TMC3: variants seen among roughly 807,000 people sequenced by gnomAD.
TMC3 encodes the protein transmembrane channel like 3.
A neutral mutation model predicts 110.6 loss-of-function variants in TMC3; 98 were observed. The ratio of observed to expected loss-of-function variants is 0.89; its 90% CI spans 0.75 to 1.05. The LOEUF (loss-of-function observed/expected upper bound fraction) is 1.05, where lower values mean the gene tolerates loss of function less well. TMC3 is among the 50% of genes least tolerant of loss of function. TMC3 has a pLI of 0.00. For synonymous variants in TMC3, 489 were observed against 513.1 expected, an observed-to-expected ratio of 0.95 and a Z score of 0.63; for missense variants, 1,319 against 1,373.2, an observed-to-expected ratio of 0.96 and a Z score of 0.62.
chr15:81,343,365 T>C lies in TMC3; in HGVS notation c.1648-20A>G. ...TTCAGGCTACAAGAGAAAATAAACT[T>C]GTGCATTAAACAAGTTCCAAAGTTC... On this transcript the variant is annotated intron_variant, in intron 14 of 21. Transcript: ENST00000359440. 6.4e-7 allele frequency: 1 copy of C among 1,567,846 alleles called. No homozygotes were observed. The highest frequency in any genetic ancestry group is 8.8e-7 in the Non-Finnish European group (1 of 1,137,874).
rs376065113 is a variant in TMC3, at chr15:81,341,482, G to A, written c.1752C>T (p.Phe584=). Residue 584 remains phenylalanine (F), a synonymous_variant, in exon 16 of 22, where the codon TTC becomes TTT. Transcript: ENST00000359440. ...GAFFSPCLPA[F]NVLKLIGLMY... ...TGAGCCCAATGAGTTTGAGAACGTT[G>A]AACGCTGGGAGACATGGGGAGAAGA... The A allele has an allele frequency of 5.6e-5, 91 of 1,611,040 alleles. No homozygotes were observed. The highest frequency in any genetic ancestry group is 6.7e-5 in the Admixed American group (4 of 59,706).
At chr15:81,346,801 T>A (rs1893837974) in intron 11 of TMC3, among the ~76,000 whole-genome samples, 4 of 152,266 alleles carry the variant, frequency 2.6e-5, no homozygotes, top group Admixed American at 2.6e-4. Flanking sequence ...TGATTTCCCA[T>A]GCATTATCTC....
intron 11 of TMC3, among the ~76,000 whole-genome samples, chr15:81,348,558 C>T (rs1245775279): frequency 6.6e-6 from 1 of 152,242 alleles, no homozygotes; most frequent in African/African-American, 2.4e-5. Flanking sequence ...CATCAGCCTA[C>T]TGTTGCTCAG....
At chr15:81,362,445 C>T in intron 3 of TMC3, 144 bp from the exon 4 acceptor site, 1 of 624,194 alleles carries the variant, frequency 1.6e-6, no homozygotes, top group Admixed American at 2.6e-5. Flanking sequence ...CTTTAAGCTG[C>T]ACTAGAACCA....
intron 11 of TMC3, among the ~76,000 whole-genome samples, chr15:81,347,475 C>G (rs1488366650): frequency 6.6e-6 from 1 of 152,150 alleles, no homozygotes; most frequent in Non-Finnish European, 1.5e-5. Flanking sequence ...AGACGGGATT[C>G]CCGTGGGCAC....
Position 81,333,252 on chromosome 15 carries a change from C to T in TMC3, c.2470G>A (p.Gly824Ser), listed in dbSNP as rs140203489. ...LEHETNRYLH[G>S]LCASTSDLHR... ...AGGTCACTGGTGCTTGCACACAGAC[C>T]GTGCAGATACCTGTAAGACAGGGGC... The change falls in exon 22 of 22, where the codon GGT (glycine) becomes AGT (serine). Residue 824 changes from glycine (G) to serine (S), a missense_variant. Transcript: ENST00000359440. 3.8e-4 allele frequency: 606 copies of T among 1,606,464 alleles called. 5 individuals carry two copies. The African/African-American group carries it at 7.3e-3, about 19-fold the overall frequency.
intron 8 of TMC3, 94 bp downstream of exon 8, chr15:81,356,353 G>C (rs1306054548): frequency 7.3e-7 from 1 of 1,365,644 alleles, no homozygotes; most frequent in African/African-American, 1.5e-5. Context: ...ACATCAATGG[G>C]AAGAGGATGG....
chr15:81,373,214 C>A (rs1029241638), intron 1 of TMC3, among the ~76,000 whole-genome samples: 1 of 152,192 alleles, frequency 6.6e-6, no homozygotes, highest in African/African-American at 2.4e-5. Context: ...AACCCCTCTT[C>A]ACCCTTTCAC....
chr15:81,346,794 T>C (rs1238341816), intron 11 of TMC3, among the ~76,000 whole-genome samples: 1 of 152,236 alleles, frequency 6.6e-6, no homozygotes, highest in Non-Finnish European at 1.5e-5. Flanking sequence ...TATGAATTGA[T>C]TTCCCATGCA....
At chr15:81,371,436 G>A (rs1442001269) in intron 2 of TMC3, among the ~76,000 whole-genome samples, 1 of 152,206 alleles carries the variant, frequency 6.6e-6, no homozygotes, top group Admixed American at 6.5e-5. Context: ...ATGTCTGCTT[G>A]GCATCTAGAA....
At chr15:81,338,818 T>C (rs762372874) in intron 17 of TMC3, 38 bp from the exon 18 acceptor site, 1 of 1,608,646 alleles carries the variant, frequency 6.2e-7, no homozygotes, top group Non-Finnish European at 8.5e-7. Context: ...ATTTTATTGC[T>C]CTTGGCAGAA....
In TMC3 at chr15:81,341,458, G is replaced by T. The variant is rs1318670726; in HGVS notation, c.1776C>A (p.Leu592=). ...GCACAGCCCAGCTTCTCAGGTACATGAGCCCAATGAGTTTGAGAACGTTGA... is the reference window on the plus strand; with the variant it reads ...GCACAGCCCAGCTTCTCAGGTACATTAGCCCAATGAGTTTGAGAACGTTGA... ...PAFNVLKLIG[L]MYLRSWAVLT... is the part of the protein sequence containing the mutation. Residue 592 remains leucine (L), a synonymous_variant, in exon 16 of 22, where the codon CTC becomes CTA. Coordinates refer to ENST00000359440, the MANE Select transcript of TMC3 (RefSeq NM_001080532.3). 6.2e-7 allele frequency: 1 copy of T among 1,611,478 alleles called. No individual in the cohort carries two copies.
chr15:81,338,531 C>G, intron 18 of TMC3, 124 bp downstream of exon 18: 2 of 1,303,496 alleles, frequency 1.5e-6, no homozygotes, highest in Non-Finnish European at 1.0e-6. Context: ...TTGAGATCAT[C>G]AGGCTCTAAG....
chr15:81,349,377 G>A, intron 11 of TMC3, 81 bp downstream of exon 11: 1 of 817,850 alleles, frequency 1.2e-6, no homozygotes, highest in Non-Finnish European at 1.7e-6. Flanking sequence ...GCAAGCCCTG[G>A]CTCTTGAGGC....
At chr15:81,339,034 T>C (rs1044846992) in intron 17 of TMC3, among the ~76,000 whole-genome samples, 8 of 152,234 alleles carry the variant, frequency 5.3e-5, no homozygotes, top group African/African-American at 1.9e-4. Flanking sequence ...TGGATGAAGA[T>C]ACTAGAGGGT....
chr15:81,370,479 G>A (rs185927036), intron 2 of TMC3, among the ~76,000 whole-genome samples: 2 of 152,074 alleles, frequency 1.3e-5, no homozygotes, highest in African/African-American at 4.8e-5. Context: ...GCCATCTTGG[G>A]GCTCTGGATG....
chr15:81,371,869 T>C (rs1894440894), intron 2 of TMC3, among the ~76,000 whole-genome samples: 1 of 152,184 alleles, frequency 6.6e-6, no homozygotes, highest in Admixed American at 6.5e-5. Context: ...AGCTTAGTGG[T>C]TGACATTTTT....
intron 4 of TMC3, among the ~76,000 whole-genome samples, chr15:81,361,441 C>T (rs546780566): frequency 6.6e-6 from 1 of 152,286 alleles, no homozygotes; most frequent in African/African-American, 2.4e-5. Flanking sequence ...CATCAATTCC[C>T]ACACTATGCT....
At chr15:81,355,512 G>T (rs963366057) in intron 9 of TMC3, among the ~76,000 whole-genome samples, 17 of 152,276 alleles carry the variant, frequency 1.1e-4, no homozygotes, top group African/African-American at 3.8e-4. Flanking sequence ...CAGACCCTGT[G>T]ACCCTTGTTA....
Sources: allele counts gnomAD v4.1 joint callset (sites outside exome capture counted in the v4.1 genomes callset), GRCh38; gene constraint gnomAD v4.1.1; transcripts MANE v1.5; gene names NCBI Gene and HGNC (gene_info 2026-07-23, HGNC 2026-07-21).